The following SHISA6 variants were observed in gnomAD, a reference collection of about 807,000 sequenced individuals.
SHISA6 encodes protein shisa-6.
Under a neutral mutation model 47.9 loss-of-function variants are expected in SHISA6, and 22 were observed. The observed-to-expected ratio is 0.46, with a 90% CI of 0.33 to 0.66. SHISA6 has a LOEUF of 0.66. Ranked by LOEUF, SHISA6 falls within the 30% of genes least tolerant of loss-of-function variation. The probability of loss-of-function intolerance (pLI) is 0.02; values close to 1 mark genes in which losing one functional copy is unlikely to be tolerated. For synonymous variants in SHISA6, 388 were observed against 337.8 expected, an observed-to-expected ratio of 1.15 and a Z score of -1.63; for missense variants, 680 against 764.6, an observed-to-expected ratio of 0.89 and a Z score of 1.30.
chr17:11,247,290 G>A (rs1258553920), intron 1 of SHISA6, among the ~76,000 whole-genome samples: 1 of 152,204 alleles, frequency 6.6e-6, no homozygotes, highest in Non-Finnish European at 1.5e-5. Flanking sequence ...AACAAAAGAA[G>A]CTTCATGCTT....
At chr17:11,244,014 G>A (rs983184590) in intron 1 of SHISA6, among the ~76,000 whole-genome samples, 1 of 152,118 alleles carries the variant, frequency 6.6e-6, no homozygotes, top group Non-Finnish European at 1.5e-5. Flanking sequence ...GCATTGGCAC[G>A]TGACCCTGGA....
intron 2 of SHISA6, among the ~76,000 whole-genome samples, chr17:11,376,978 T>C (rs1042502808): frequency 6.6e-6 from 1 of 152,198 alleles, no homozygotes; most frequent in Non-Finnish European, 1.5e-5. Context: ...GTCATTGTGC[T>C]TTTTCCACCT....
chr17:11,324,502 T>C (rs1910809883), intron 2 of SHISA6, among the ~76,000 whole-genome samples: 1 of 152,144 alleles, frequency 6.6e-6, no homozygotes, highest in Non-Finnish European at 1.5e-5. Context: ...AACCAATAGC[T>C]TCCTGGATAG....
At chr17:11,491,854 C>T (rs1259983590) in intron 3 of SHISA6, among the ~76,000 whole-genome samples, 2 of 150,902 alleles carry the variant, frequency 1.3e-5, no homozygotes, top group Non-Finnish European at 2.9e-5. Context: ...TAACTACAAC[C>T]TCCACCTCCC....
chr17:11,460,425 C>T (rs1915662146), intron 3 of SHISA6, among the ~76,000 whole-genome samples: 1 of 152,142 alleles, frequency 6.6e-6, no homozygotes, highest in Non-Finnish European at 1.5e-5. Context: ...CAGTTTCACT[C>T]TTATTGCCCA....
chr17:11,503,628 C>T (rs2908973), intron 3 of SHISA6, among the ~76,000 whole-genome samples: 97,908 of 152,068 alleles, frequency 0.64, 31,908 homozygotes, highest in East Asian at 0.87. Context: ...AGAGACCGTT[C>T]TGAAAAGCTC....
At chr17:11,326,114 A>T (rs1910879280) in intron 2 of SHISA6, among the ~76,000 whole-genome samples, 1 of 152,132 alleles carries the variant, frequency 6.6e-6, no homozygotes, top group Admixed American at 6.5e-5. Flanking sequence ...TACTAAAAAT[A>T]CAAAAAATTA....
At chr17:11,501,363 C>T (rs2071451864) in intron 3 of SHISA6, among the ~76,000 whole-genome samples, 1 of 152,136 alleles carries the variant, frequency 6.6e-6, no homozygotes, top group Non-Finnish European at 1.5e-5. Context: ...CCACCCGCCT[C>T]AGCCTCCCAA....
chr17:11,543,910 C>CAAAAAAAAAAAA (rs200573876), intron 3 of SHISA6, among the ~76,000 whole-genome samples: 5 of 96,372 alleles, frequency 5.2e-5, no homozygotes, highest in Admixed American at 1.0e-4. Context: ...TATTTATAAG[C>CAAAAAAAAAAAA]AAAAAAAAAA....
intron 3 of SHISA6, among the ~76,000 whole-genome samples, chr17:11,475,616 CCTGGGGT>C (rs1414264796): frequency 1.3e-5 from 2 of 151,958 alleles, no homozygotes; most frequent in Non-Finnish European, 2.9e-5. Context: ...GCTTTGCATA[CCTGGGGT>C]ATATCCCACT....
chr17:11,287,653 A>G (rs753303764), intron 2 of SHISA6, among the ~76,000 whole-genome samples: 1 of 142,996 alleles, frequency 7.0e-6, no homozygotes, highest in Admixed American at 7.0e-5. Flanking sequence ...AGCCTAGGTG[A>G]CAGAGACAGA....
chr17:11,256,212 C>G (rs961736226), intron 1 of SHISA6, among the ~76,000 whole-genome samples: 5 of 152,090 alleles, frequency 3.3e-5, no homozygotes, highest in Non-Finnish European at 7.4e-5. Flanking sequence ...AAAATAACAC[C>G]GGCCGGGCAC....
chr17:11,418,406 C>A (rs1322524138), intron 3 of SHISA6, among the ~76,000 whole-genome samples: 1 of 152,054 alleles, frequency 6.6e-6, no homozygotes. Context: ...CCTTCTTGAT[C>A]ATCTCTCCTT....
In SHISA6 at chr17:11,242,205, A is replaced by C. The variant is rs181597257; in HGVS notation, c.638+145A>C. On this transcript the variant is annotated intron_variant, in intron 1 of 5. Transcript: ENST00000441885. ...ACCATCGCTCCTTTTGCATGCAATAAATCAGGGTCTTCTTGTGCCCCCTCC... is the reference window on the plus strand; with the variant it reads ...ACCATCGCTCCTTTTGCATGCAATACATCAGGGTCTTCTTGTGCCCCCTCC... 56 of 1,147,018 alleles carry C rather than the reference A, an allele frequency of 4.9e-5. 1 individual carries two copies. In the Admixed American group the frequency reaches 1.2e-3, roughly 25 times the overall value. The allele number at this position is 1,147,018 out of a possible 1,614,324, so 71.1% of individuals were successfully genotyped here. A position where few individuals can be genotyped will look rare whatever the true frequency, so the allele number is the denominator to read the frequency against.
rs184754356 is a variant in SHISA6, at chr17:11,350,980, A to C, written c.800-28434A>C. ...TGCAGCCATAAAAAAGAATGAGTTC[A>C]TGTCCTTGCAGAGACATGGATGAAG... On this transcript the variant is annotated intron_variant, in intron 2 of 5. Coordinates refer to ENST00000441885, the MANE Select transcript of SHISA6 (RefSeq NM_207386.4). Among the ~76,000 whole-genome samples, 743 of 152,330 alleles carry C rather than the reference A, an allele frequency of 4.9e-3. 3 individuals carry two copies. The highest frequency in any genetic ancestry group is 8.4e-3 in the Non-Finnish European group (573 of 68,034).
chr17:11,272,994 G>A (rs180831200), intron 2 of SHISA6, among the ~76,000 whole-genome samples: 3 of 152,320 alleles, frequency 2.0e-5, no homozygotes, highest in Admixed American at 2.0e-4. Context: ...CTGCCAGAGA[G>A]AGTGATACGG....
At chr17:11,395,605 C>T (rs1597491943) in intron 3 of SHISA6, among the ~76,000 whole-genome samples, 1 of 150,640 alleles carries the variant, frequency 6.6e-6, no homozygotes, top group East Asian at 2.0e-4. Flanking sequence ...GCAAGCTCCG[C>T]CTCCCGGGTT....
chr17:11,423,261 T>A (rs1914504993), intron 3 of SHISA6, among the ~76,000 whole-genome samples: 1 of 147,664 alleles, frequency 6.8e-6, no homozygotes, highest in African/African-American at 2.5e-5. Flanking sequence ...ATATAATATA[T>A]ATATATATGG....
chr17:11,307,299 A>C (rs896780856), intron 2 of SHISA6, among the ~76,000 whole-genome samples: 2 of 152,186 alleles, frequency 1.3e-5, no homozygotes, highest in Non-Finnish European at 1.5e-5. Context: ...TTACACAACT[A>C]TCTGAGTTTC....
Sources: allele counts gnomAD v4.1 joint callset (sites outside exome capture counted in the v4.1 genomes callset), GRCh38; gene constraint gnomAD v4.1.1; transcripts MANE v1.5; gene names NCBI Gene and HGNC (gene_info 2026-07-23, HGNC 2026-07-21).